GPHN: variants seen among roughly 807,000 people sequenced by gnomAD.
The protein encoded by GPHN is gephyrin.
In GPHN, 17 loss-of-function variants were observed where a neutral mutation model predicts 95.5. That is an observed-to-expected ratio of 0.18 (90% CI 0.12 to 0.27). The LOEUF is 0.27. GPHN is among the 10% of genes least tolerant of loss of function. GPHN has a pLI of 1.00. For synonymous variants in GPHN, 320 were observed against 322.5 expected, an observed-to-expected ratio of 0.99 and a Z score of 0.08; for missense variants, 660 against 978.1, an observed-to-expected ratio of 0.67 and a Z score of 4.34.
chr14:66,546,376 G>A lies in GPHN; in HGVS notation c.64+37785G>A, dbSNP rs528528531. Among the ~76,000 whole-genome samples the A allele has an allele frequency of 2.7e-3, 411 of 152,182 alleles. 1 individual carries two copies. The highest frequency in any genetic ancestry group is 9.1e-3 in the African/African-American group (379 of 41,542). ...TCACTTCCCAGACGGGGTGGCGGCCGGGCAGAGGCTGCAATCTCGGCACTT... is the reference window on the plus strand; with the variant it reads ...TCACTTCCCAGACGGGGTGGCGGCCAGGCAGAGGCTGCAATCTCGGCACTT... On this transcript the variant is annotated intron_variant, in intron 1 of 22. Transcript: ENST00000478722.
At chr14:67,024,220 T>G (rs189171443) in intron 10 of GPHN, among the ~76,000 whole-genome samples, 19 of 152,334 alleles carry the variant, frequency 1.2e-4, no homozygotes, top group Non-Finnish European at 2.5e-4. Flanking sequence ...CATTTAACTC[T>G]GTATATCATT....
the GPHN span, among the ~76,000 whole-genome samples, chr14:67,596,574 C>A: frequency 6.6e-6 from 1 of 152,144 alleles, no homozygotes; most frequent in East Asian, 1.9e-4. Context: ...AAGATGCCCT[C>A]CTTTATCTAC....
intron 1 of GPHN, among the ~76,000 whole-genome samples, chr14:66,636,865 A>G (rs1373991920): frequency 6.6e-6 from 1 of 152,210 alleles, no homozygotes; most frequent in Non-Finnish European, 1.5e-5. Flanking sequence ...CCCAAACAGT[A>G]AATAATCTGG....
the GPHN span, among the ~76,000 whole-genome samples, chr14:67,632,750 A>AGAAG: frequency 6.7e-6 from 1 of 149,972 alleles, no homozygotes; most frequent in East Asian, 2.0e-4. Context: ...ATTATGAAAT[A>AGAAG]GAAGGAAGGA....
chr14:67,198,872 T>A, the GPHN span: 1 of 657,864 alleles, frequency 1.5e-6, no homozygotes, highest in South Asian at 1.5e-5. Flanking sequence ...GTGAAATGAG[T>A]TCAATGATAG....
At chr14:66,560,334 T>G (rs535058977) in intron 1 of GPHN, among the ~76,000 whole-genome samples, 25 of 152,128 alleles carry the variant, frequency 1.6e-4, no homozygotes, top group African/African-American at 4.8e-4. Context: ...CTTGGGCAGT[T>G]TGGCCATTTT....
chr14:67,473,560 CG>C, the GPHN span: 1 of 1,613,520 alleles, frequency 6.2e-7, no homozygotes, highest in Non-Finnish European at 8.5e-7. This position sits in a 1 kb window ranked among gnomAD's most constrained non-coding sequence, Gnocchi z 6.5. Flanking sequence ...AACCAGGGCA[CG>C]GCGTACTCCA....
chr14:67,477,587 C>T, the GPHN span, among the ~76,000 whole-genome samples: 64 of 152,278 alleles, frequency 4.2e-4, no homozygotes, highest in Admixed American at 7.2e-4. Context: ...CTTCCCTAGA[C>T]AGCTCCCCCT....
intron 17 of GPHN, chr14:67,143,049 TTCC>T: frequency 2.8e-6 from 1 of 357,058 alleles, no homozygotes; most frequent in South Asian, 2.3e-5. Flanking sequence ...AACAGGAATA[TTCC>T]TAGGCAAACC....
intron 3 of GPHN, among the ~76,000 whole-genome samples, chr14:66,804,935 C>A (rs1487123792): frequency 1.3e-5 from 2 of 152,156 alleles, no homozygotes; most frequent in Non-Finnish European, 2.9e-5. Context: ...CTGTTTAAAT[C>A]TCTTTGATTC....
At chr14:67,604,032 G>A in the GPHN span, among the ~76,000 whole-genome samples, 262 of 149,040 alleles carry the variant, frequency 1.8e-3, 1 homozygote, top group Non-Finnish European at 2.1e-3. Flanking sequence ...TTGCTCTGTC[G>A]CCTAGGCAAG....
At chr14:67,173,039 G>C (rs560608381) in intron 21 of GPHN, among the ~76,000 whole-genome samples, 1 of 152,304 alleles carries the variant, frequency 6.6e-6, no homozygotes, top group South Asian at 2.1e-4. Flanking sequence ...GCCAGGGGCA[G>C]AATCATAGCT....
intron 1 of GPHN, among the ~76,000 whole-genome samples, chr14:66,673,878 A>G (rs2066437821): frequency 1.3e-5 from 2 of 152,160 alleles, no homozygotes; most frequent in African/African-American, 4.8e-5. Flanking sequence ...TAGTAATTGT[A>G]CATATTTATA....
At chr14:67,437,409 G>A in the GPHN span, among the ~76,000 whole-genome samples, 1 of 152,346 alleles carries the variant, frequency 6.6e-6, no homozygotes, top group East Asian at 1.9e-4. Flanking sequence ...GCTGAGCCTG[G>A]TTGGAGGGGT....
intron 1 of GPHN, among the ~76,000 whole-genome samples, chr14:66,604,579 A>G (rs1306308635): frequency 6.6e-6 from 1 of 152,146 alleles, no homozygotes; most frequent in Admixed American, 6.5e-5. Flanking sequence ...CTTTAGAAAA[A>G]CAGATTTTAC....
rs117736155 is a variant in GPHN at position 67,165,708 on chromosome 14, G to A, written c.1975+482G>A. On this transcript the variant is annotated intron_variant, in intron 20 of 22. Coordinates refer to ENST00000478722, the MANE Select transcript of GPHN (RefSeq NM_020806.5). ...GCCAGATTTGGGCTGGTTGAGGGGA[G>A]GGGGAAGAGGAAAGGCCAGGCTACT... Among the ~76,000 whole-genome samples, 63 of 152,294 alleles carry A rather than the reference G, an allele frequency of 4.1e-4. 3 individuals carry two copies. In the East Asian group the frequency reaches 0.01, roughly 25 times the overall value.
chr14:66,709,466 AATAACAAGTGGGTAGCCT>A (rs1381584419), intron 2 of GPHN: 1 of 455,132 alleles, frequency 2.2e-6, no homozygotes, highest in African/African-American at 2.0e-5. Flanking sequence ...CTGGTAAGTG[AATAACAAGTGGGTAGCCT>A]ATACAATGTG....
the GPHN span, among the ~76,000 whole-genome samples, chr14:67,273,022 AG>A: frequency 6.7e-6 from 1 of 148,908 alleles, no homozygotes; most frequent in Non-Finnish European, 1.5e-5. Flanking sequence ...TCACTGTCCT[AG>A]TTGAGGACCG....
chr14:67,732,778 G>A, the GPHN span, among the ~76,000 whole-genome samples: 6 of 151,950 alleles, frequency 3.9e-5, no homozygotes, highest in African/African-American at 1.2e-4. Flanking sequence ...GCAGGGTTTC[G>A]CCTTGTTGGC....
Sources: gnomAD v4.1 joint callset for allele counts (sites outside exome capture counted in the v4.1 genomes callset) on GRCh38, gnomAD v4.1.1 for gene constraint, Gnocchi (gnomAD v3.1) non-coding constraint, MANE v1.5 for transcripts, NCBI Gene and HGNC (gene_info 2026-07-23, HGNC 2026-07-21) for gene names.